ABCC2: variants seen among roughly 807,000 people sequenced by gnomAD.
The protein encoded by ABCC2 is ATP-binding cassette sub-family C member 2.
Under a neutral mutation model 173.4 loss-of-function variants are expected in ABCC2, and 157 were observed. The ratio of observed to expected loss-of-function variants is 0.91; its 90% confidence interval spans 0.80 to 1.03. The LOEUF (loss-of-function observed/expected upper bound fraction) is 1.03. Among genes scored for constraint, ABCC2 ranks in the 50% least tolerant of loss-of-function variants. The pLI, the probability that ABCC2 is intolerant of heterozygous loss-of-function variation, is 0.00. For missense variants in ABCC2, 1,822 were observed against 1,852.3 expected, an observed-to-expected ratio of 0.98 and a Z score of 0.30; for synonymous variants, 657 against 693.5, an observed-to-expected ratio of 0.95 and a Z score of 0.83.
rs928456344 is a variant in ABCC2 at position 99,841,905 on chromosome 10, G to A, written c.3615-62G>A. The A allele has an allele frequency of 1.1e-5, 17 of 1,612,968 alleles. No individual in the cohort carries two copies. The African/African-American group carries it at 1.9e-4, about 18-fold the overall frequency. On this transcript the variant is annotated intron_variant, in intron 25 of 31. Transcript: ENST00000647814. The stretch of plus-strand genomic sequence containing the variant: ...CTGAGAATGTTCTGTGAACGCCAAG[G>A]TTGCTGGTTAAGATGAGGACGTGAT...
At position 99,808,100 on chromosome 10, in the gene ABCC2, T is replaced by G. The variant is rs17216233; in HGVS notation, c.1686T>G (p.Phe562Leu). Residue 562 changes from phenylalanine (F) to leucine (L), a missense_variant, in exon 13 of 32, where the codon TTT (phenylalanine) becomes TTG (leucine). Transcript: ENST00000647814. ...LTPVLVSVVT[F>L]SVYVLVDSNN... Reference sequence around the variant, plus strand: ...CTTTCCAGGTATCTGTGGTCACATTTTCTGTTTATGTCCTGGTGGATAGCA... The same window carrying G: ...CTTTCCAGGTATCTGTGGTCACATTGTCTGTTTATGTCCTGGTGGATAGCA... The G allele has an allele frequency of 4.3e-6, 7 of 1,614,032 alleles. No homozygotes were observed. The African/African-American group carries it at 9.3e-5, about 22-fold the overall frequency.
chr10:99,813,138 C>T lies in ABCC2; in HGVS notation c.2088C>T (p.Thr696=). Residue 696 remains threonine (T), a synonymous_variant, in exon 16 of 32, where the codon ACC becomes ACT. Coordinates refer to ENST00000647814, the MANE Select transcript of ABCC2 (RefSeq NM_000392.5). ...TGGAAAATGTCCACGGGCACATCAC[C>T]ATCAAGGTGAGAGGGAATGCCAATG... is the stretch of plus-strand genomic sequence containing the variant. ...GEMENVHGHI[T]IKGTTAYVPQ... 6.2e-7 allele frequency: 1 copy of T among 1,613,662 alleles called. No homozygotes were observed. The highest frequency in any genetic ancestry group is 8.5e-7 in the Non-Finnish European group (1 of 1,179,776).
Position 99,814,063 on chromosome 10 carries a change from G to GTA in ABCC2, c.2094+929_2094+930dup, listed in dbSNP as rs201140315. Among the ~76,000 whole-genome samples the GTA allele has an allele frequency of 3.5e-3, 500 of 144,814 alleles. 14 individuals carry two copies. Among genetic ancestry groups the GTA allele is most frequent in the Middle Eastern group, 0.034 (9 of 266 alleles). ...GGGTGTTGTCTTCTTCATCAATTTT[G>GTA]TATATATATATGTGTATGTGTATAT... is the stretch of plus-strand genomic sequence containing the variant. On this transcript the variant is annotated intron_variant, in intron 16 of 31. Coordinates refer to ENST00000647814, the MANE Select transcript of ABCC2 (RefSeq NM_000392.5).
At chr10:99,783,370 G>C (rs2037648657) in intron 1 of ABCC2, among the ~76,000 whole-genome samples, 1 of 152,176 alleles carries the variant, frequency 6.6e-6, no homozygotes, top group South Asian at 2.1e-4. Context: ...TGAACAACTA[G>C]AGTTGGGTAA....
Position 99,832,090 on chromosome 10 carries a change from GACACAAC to G in ABCC2, c.3220_3226del (p.Thr1074ProfsTer6), listed in dbSNP as rs777325157. On this transcript the variant is annotated frameshift_variant, in exon 23 of 32. Transcript: ENST00000647814. LOFTEE classifies it high-confidence loss of function. ...CCTTCGAGCACCTATGAGATTTTTT[GACACAAC>G]ACCCACAGGCCGGATTGTGAACAGG... 9.9e-6 allele frequency: 16 copies of G among 1,614,036 alleles called. No individual in the cohort carries two copies. The African/African-American group carries it at 2.1e-4, about 22-fold the overall frequency.
Position 99,830,431 on chromosome 10 carries a change from C to G in ABCC2, c.2745C>G (p.Arg915=), listed in dbSNP as rs749127375. ...ACAGCTTTCGTCGAACACTTAGCCG[C>G]AGGTTGGCTATCTATTCAGCTGGCA... ...RENSFRRTLS[R]SSRSNGRHLK... is the part of the protein sequence containing the mutation. The change falls in exon 20 of 32, where the codon CGC becomes CGG. Residue 915 remains arginine (R), a splice_region_variant and synonymous_variant. Transcript: ENST00000647814. 1 of 1,614,222 alleles carries G rather than the reference C, an allele frequency of 6.2e-7. No individual in the cohort carries two copies.
At chr10:99,833,127 A>T (rs2038767248) in intron 23 of ABCC2, among the ~76,000 whole-genome samples, 1 of 152,216 alleles carries the variant, frequency 6.6e-6, no homozygotes, top group Non-Finnish European at 1.5e-5. Flanking sequence ...GGGACACAGT[A>T]ACTGCTTCAA....
Position 99,843,809 on chromosome 10 carries a change from C to T in ABCC2, c.3752C>T (p.Thr1251Ile), listed in dbSNP as rs750342363. Reference sequence around the variant, plus strand: ...CTGGTTTTTCTGTAGATCACACAAACCCTGAACTGGCTGGTGAGGATGACA... The same window carrying T: ...CTGGTTTTTCTGTAGATCACACAAATCCTGAACTGGCTGGTGAGGATGACA... The part of the protein sequence containing the change: ...VLSNALNITQ[T>I]LNWLVRMTSE... Residue 1251 changes from threonine to isoleucine, a missense_variant, in exon 27 of 32, where the codon ACC becomes ATC. Coordinates refer to ENST00000647814, the MANE Select transcript of ABCC2 (RefSeq NM_000392.5). The T allele has an allele frequency of 1.5e-5, 24 of 1,613,910 alleles. No individual in the cohort carries two copies. In the Admixed American group the frequency reaches 3.8e-4, roughly 26 times the overall value.
At chr10:99,817,887 A>G (rs1381775410) in intron 17 of ABCC2, among the ~76,000 whole-genome samples, 1 of 152,142 alleles carries the variant, frequency 6.6e-6, no homozygotes, top group African/African-American at 2.4e-5. Context: ...TTAGATGTTT[A>G]TTGTGAATTA....
chr10:99,845,926 T>C lies in ABCC2; in HGVS notation c.4146+144T>C. 4.3e-6 allele frequency: 4 copies of C among 934,806 alleles called. No individual in the cohort carries two copies. The South Asian group carries it at 4.3e-5, about 10-fold the overall frequency. The allele number at this position is 934,806 out of a possible 1,614,324, so 57.9% of individuals were successfully genotyped here. A position where few individuals can be genotyped will look rare whatever the true frequency, so the allele number is the denominator to read the frequency against. On this transcript the variant is annotated intron_variant, in intron 29 of 31. Transcript: ENST00000647814. The stretch of plus-strand genomic sequence containing the variant: ...GGATACTTGAGCTAGTTCCCTAGGA[T>C]GGACACGTCATTTCCAGAACTTTGA...
At position 99,804,150 on chromosome 10, in the gene ABCC2, G is replaced by C. The variant is rs762785326; in HGVS notation, c.1341G>C (p.Gln447His). 6.2e-7 allele frequency: 1 copy of C among 1,614,148 alleles called. No individual in the cohort carries two copies. Among genetic ancestry groups the C allele is most frequent in the East Asian group, 2.2e-5 (1 of 44,874 alleles). The change falls in exon 10 of 32, where the codon CAG becomes CAC. Residue 447 changes from glutamine (Q) to histidine (H), a missense_variant. Coordinates refer to ENST00000647814, the MANE Select transcript of ABCC2 (RefSeq NM_000392.5). The stretch of plus-strand genomic sequence containing the variant: ...ACATGCTGTGGTCAAGTGTTCTACA[G>C]ATTGTCTTATCTATCTTCTTCCTAT... ...FMHMLWSSVL[Q>H]IVLSIFFLWR...
At chr10:99,819,055 T>C (rs747400937) in intron 18 of ABCC2, 34 bp from the exon 19 acceptor site, 8 of 1,612,896 alleles carry the variant, frequency 5.0e-6, no homozygotes, top group Non-Finnish European at 5.9e-6. Context: ...GGTGGACATA[T>C]GGTAATCAAC....
chr10:99,814,162 CGT>C (rs2038279529), intron 16 of ABCC2, among the ~76,000 whole-genome samples: 12 of 26,652 alleles, frequency 4.5e-4, no homozygotes, highest in South Asian at 1.2e-3. Flanking sequence ...TGTATACACA[CGT>C]ATATATACAC....
intron 6 of ABCC2, among the ~76,000 whole-genome samples, chr10:99,795,783 G>GAA (rs879277100): frequency 5.5e-4 from 80 of 145,976 alleles, no homozygotes; most frequent in African/African-American, 2.1e-3. Context: ...AAGAAAGAAA[G>GAA]AAAGAAAGAA....
Position 99,850,810 on chromosome 10 carries a change from G to T in ABCC2, c.4508+14G>T. 6.2e-7 allele frequency: 1 copy of T among 1,613,990 alleles called. No homozygotes were observed. The highest frequency in any genetic ancestry group is 8.5e-7 in the Non-Finnish European group (1 of 1,179,898). On this transcript the variant is annotated intron_variant, in intron 31 of 31. Coordinates refer to ENST00000647814, the MANE Select transcript of ABCC2 (RefSeq NM_000392.5). ...GGACAGTGACAAGTGAGTGTAGGGG[G>T]ACAGGGCTTGACACGGATGGCTTAA... is the stretch of plus-strand genomic sequence containing the variant.
intron 23 of ABCC2, among the ~76,000 whole-genome samples, chr10:99,832,871 G>A (rs751835836): frequency 5.3e-5 from 8 of 152,156 alleles, no homozygotes; most frequent in Non-Finnish European, 1.0e-4. Context: ...CTAGACACTG[G>A]GGCACTCAAT....
chr10:99,839,087 C>T (rs2038883098), intron 25 of ABCC2, among the ~76,000 whole-genome samples: 1 of 139,336 alleles, frequency 7.2e-6, no homozygotes, highest in Admixed American at 7.0e-5. Flanking sequence ...GGCAGGGGGG[C>T]AGACCCCCCC....
chr10:99,796,840 G>A (rs2037922373), intron 6 of ABCC2, among the ~76,000 whole-genome samples: 1 of 152,216 alleles, frequency 6.6e-6, no homozygotes, highest in Admixed American at 6.5e-5. Context: ...TGAGGAGGAA[G>A]GAGCAAGAGC....
intron 24 of ABCC2, among the ~76,000 whole-genome samples, chr10:99,835,743 CTAA>C (rs1291264106): frequency 3.9e-5 from 6 of 152,174 alleles, no homozygotes; most frequent in Non-Finnish European, 7.4e-5. Flanking sequence ...GACCTTTTCT[CTAA>C]TGAGTACAGA....
Sources: gnomAD v4.1 joint callset for allele counts (sites outside exome capture counted in the v4.1 genomes callset) on GRCh38, gnomAD v4.1.1 for gene constraint, MANE v1.5 for transcripts, NCBI Gene and HGNC (gene_info 2026-07-23, HGNC 2026-07-21) for gene names.